The following SHMT1 variants were observed in gnomAD, a reference collection of about 807,000 sequenced individuals.
The protein encoded by SHMT1 is serine hydroxymethyltransferase, cytosolic.
A neutral mutation model predicts 49.0 loss-of-function variants in SHMT1; 45 were observed. The observed-to-expected ratio is 0.92, with a 90% confidence interval of 0.72 to 1.18. SHMT1 has a LOEUF of 1.18. Among genes scored for constraint, SHMT1 ranks in the 50% most tolerant of loss-of-function variants. The pLI, the probability that SHMT1 is intolerant of heterozygous loss-of-function variation, is 0.00. For missense variants in SHMT1, 541 were observed against 612.4 expected (o/e 0.88, Z 1.23); for synonymous variants, 232 against 246.6 (o/e 0.94, Z 0.55).
At chr17:18,353,885 T>A in intron 2 of SHMT1, 68 bp from the exon 3 acceptor site, 1 of 1,341,314 alleles carries the variant, frequency 7.5e-7, no homozygotes, top group African/African-American at 1.4e-5. Flanking sequence ...TGATCCAAAT[T>A]ACAACCTCCT....
At chr17:18,345,984 G>A (rs1023379980) in intron 5 of SHMT1, among the ~76,000 whole-genome samples, 1 of 152,036 alleles carries the variant, frequency 6.6e-6, no homozygotes, top group Admixed American at 6.6e-5. Context: ...GCCCAGCCAA[G>A]ACAAACTATT....
chr17:18,335,585 C>G lies in SHMT1; in HGVS notation c.905G>C (p.Gly302Ala). The G allele has an allele frequency of 1.2e-6, 2 of 1,613,548 alleles. No individual in the cohort carries two copies. The highest frequency in any genetic ancestry group is 1.7e-6 in the Non-Finnish European group (2 of 1,179,768). ...AGCAATGGCGTGGTTGTGGGGACCTCCCTGCAGGCCAGGGAACACAGCAGA... is the reference window on the plus strand; with the variant it reads ...AGCAATGGCGTGGTTGTGGGGACCTGCCTGCAGGCCAGGGAACACAGCAGA... Reference protein sequence around the residue: ...INSAVFPGLQGGPHNHAIAGV... With the variant: ...INSAVFPGLQAGPHNHAIAGV... Residue 302 changes from glycine to alanine, a missense_variant, in exon 8 of 12, where the codon GGA becomes GCA. Coordinates refer to ENST00000316694, the MANE Select transcript of SHMT1 (RefSeq NM_004169.5).
rs1984415312 is a variant in SHMT1 at position 18,340,757 on chromosome 17, G to C, written c.576C>G (p.Leu192=). Reference sequence around the variant, plus strand: ...CTGCGATGATCAGCTTCGGGTGGAAGAGGCGTGCGTTCTCCTCCAGCTGGT... The same window carrying C: ...CTGCGATGATCAGCTTCGGGTGGAACAGGCGTGCGTTCTCCTCCAGCTGGT... ...NYDQLEENAR[L]FHPKLIIAGT... Residue 192 remains leucine, a synonymous_variant, in exon 6 of 12, where the codon CTC becomes CTG. Coordinates refer to ENST00000316694, the MANE Select transcript of SHMT1 (RefSeq NM_004169.5). This position sits in a 1 kb window ranked among gnomAD's most constrained non-coding sequence, Gnocchi z 4.5. 3 of 1,613,204 alleles carry C rather than the reference G, an allele frequency of 1.9e-6. No individual in the cohort carries two copies. Among genetic ancestry groups the C allele is most frequent in the Non-Finnish European group, 2.5e-6 (3 of 1,179,708 alleles).
chr17:18,351,406 A>T (rs1195162345), intron 3 of SHMT1, among the ~76,000 whole-genome samples: 1 of 151,284 alleles, frequency 6.6e-6, no homozygotes, highest in Non-Finnish European at 1.5e-5. Flanking sequence ...TCGGCCTCCT[A>T]AAGTGCTGGA....
Position 18,329,397 on chromosome 17 carries a change from T to C in SHMT1, c.1172-9A>G, listed in dbSNP as rs533468625. On this transcript the variant is annotated splice_polypyrimidine_tract_variant and intron_variant, in intron 10 of 11. Transcript: ENST00000316694. Reference sequence around the variant, plus strand: ...CAGAGCGCTTCTGTCACCTACAAGATAAACGGGGCTCTGTCCCTAAGTCAC... The same window carrying C: ...CAGAGCGCTTCTGTCACCTACAAGACAAACGGGGCTCTGTCCCTAAGTCAC... The C allele has an allele frequency of 1.7e-5, 27 of 1,604,420 alleles. No homozygotes were observed. The South Asian group carries it at 2.8e-4, about 16-fold the overall frequency.
intron 5 of SHMT1, chr17:18,341,798 C>T (rs997627708): frequency 6.6e-6 from 1 of 152,034 alleles, no homozygotes. Flanking sequence ...AAATGCTTGA[C>T]AAATTATAGT....
rs1984373584 is a variant in SHMT1, at chr17:18,340,474, A to G, written c.602-219T>C. Reference sequence around the variant, plus strand: ...GGTGGTTGAGATGGCCCCAACTACTATTGCCAGCGCAGTCAGGGCCTGACA... The same window carrying G: ...GGTGGTTGAGATGGCCCCAACTACTGTTGCCAGCGCAGTCAGGGCCTGACA... On this transcript the variant is annotated intron_variant, in intron 6 of 11. Coordinates refer to ENST00000316694, the MANE Select transcript of SHMT1 (RefSeq NM_004169.5). The surrounding 1 kb of genome is among the most constrained non-coding windows in gnomAD (Gnocchi z 4.5). 1.5e-6 allele frequency: 1 copy of G among 671,772 alleles called. No individual in the cohort carries two copies. Among genetic ancestry groups the G allele is most frequent in the Non-Finnish European group, 2.6e-6 (1 of 378,868 alleles). The allele number at this position is 671,772 out of a possible 1,614,324, so 41.6% of individuals were successfully genotyped here. A position where few individuals can be genotyped will look rare whatever the true frequency, so the allele number is the denominator to read the frequency against.
intron 4 of SHMT1, 29 bp downstream of exon 4, chr17:18,348,296 G>A (rs1319262448): frequency 1.4e-6 from 2 of 1,403,762 alleles, no homozygotes; most frequent in Admixed American, 3.4e-5. Flanking sequence ...TGAAGAGGCT[G>A]CACCAGGCCA....
intron 5 of SHMT1, among the ~76,000 whole-genome samples, chr17:18,345,972 G>A (rs1032292861): frequency 6.6e-6 from 1 of 152,034 alleles, no homozygotes; most frequent in African/African-American, 2.4e-5. Context: ...GTGAGCCACC[G>A]AGCCCAGCCA....
chr17:18,330,199 A>G (rs1204763960), intron 10 of SHMT1, among the ~76,000 whole-genome samples: 1 of 151,134 alleles, frequency 6.6e-6, no homozygotes, highest in Non-Finnish European at 1.5e-5. Flanking sequence ...GCAGTGGTAC[A>G]ATCTCCACTC....
intron 9 of SHMT1, 52 bp from the exon 10 acceptor site, chr17:18,330,723 G>A (rs770189108): frequency 1.5e-6 from 2 of 1,336,344 alleles, no homozygotes; most frequent in Non-Finnish European, 2.2e-6. Flanking sequence ...ATGCCGTGAA[G>A]GAATCTCTGA....
In SHMT1 at chr17:18,330,724, G is replaced by T. The variant is rs1157552117; in HGVS notation, c.1055-53C>A. 2.3e-6 allele frequency: 3 copies of T among 1,304,636 alleles called. No homozygotes were observed. In the East Asian group the frequency reaches 6.9e-5, roughly 30 times the overall value. 80.8% of individuals were successfully genotyped at this position (1,304,636 alleles called of 1,614,324 possible). ...TGCAGGCGAATTCTATGCCGTGAAG[G>T]AATCTCTGAGAAACGAAGGCGAGGA... On this transcript the variant is annotated intron_variant, in intron 9 of 11. Transcript: ENST00000316694.
At chr17:18,354,255 C>A (rs1171295704) in intron 2 of SHMT1, among the ~76,000 whole-genome samples, 2 of 152,170 alleles carry the variant, frequency 1.3e-5, no homozygotes, top group Admixed American at 1.3e-4. Flanking sequence ...CTCGTCTCTA[C>A]TAAAAAATAC....
intron 4 of SHMT1, 73 bp from the exon 5 acceptor site, chr17:18,347,729 A>C: frequency 6.4e-7 from 1 of 1,567,302 alleles, no homozygotes; most frequent in Non-Finnish European, 8.8e-7. Context: ...GACCTTGGCC[A>C]CTAAGCCTTC....
chr17:18,358,326 C>G (rs1211155813), intron 1 of SHMT1, among the ~76,000 whole-genome samples: 2 of 151,122 alleles, frequency 1.3e-5, no homozygotes, highest in South Asian at 2.1e-4. Flanking sequence ...CCCATCTCTA[C>G]TAAAAATACA....
intron 2 of SHMT1, among the ~76,000 whole-genome samples, chr17:18,355,353 G>C (rs1986137535): frequency 1.5e-5 from 2 of 131,106 alleles, no homozygotes; most frequent in Admixed American, 8.3e-5. Flanking sequence ...CTGGGCGACA[G>C]AGCAAGACTC....
chr17:18,334,755 C>T (rs976129273), intron 8 of SHMT1, among the ~76,000 whole-genome samples: 2 of 152,172 alleles, frequency 1.3e-5, no homozygotes, highest in East Asian at 3.9e-4. Flanking sequence ...GTGAAAACAA[C>T]TGGAAAGGGC....
intron 1 of SHMT1, among the ~76,000 whole-genome samples, chr17:18,362,001 C>T (rs1269872772): frequency 6.6e-6 from 1 of 152,156 alleles, no homozygotes; most frequent in Non-Finnish European, 1.5e-5. Context: ...CACCAGCCTC[C>T]CCATGCCTCC....
intron 9 of SHMT1, chr17:18,330,956 C>A: frequency 2.2e-6 from 1 of 446,222 alleles, no homozygotes; most frequent in South Asian, 2.0e-5. Flanking sequence ...GGCTTGTTTT[C>A]TCTGACAAGT....
Sources: gnomAD v4.1 joint callset for allele counts (sites outside exome capture counted in the v4.1 genomes callset) on GRCh38, gnomAD v4.1.1 for gene constraint, Gnocchi (gnomAD v3.1) non-coding constraint, MANE v1.5 for transcripts, NCBI Gene and HGNC (gene_info 2026-07-23, HGNC 2026-07-21) for gene names.